The following ADAMTSL1 variants were observed in gnomAD, a reference collection of about 807,000 sequenced individuals.
ADAMTSL1 encodes the protein ADAMTS like 1.
Under a neutral mutation model 201.8 loss-of-function variants are expected in ADAMTSL1, and 126 were observed. The ratio of observed to expected loss-of-function variants is 0.62; its 90% confidence interval spans 0.54 to 0.72. ADAMTSL1 has a LOEUF of 0.72. Ranked by LOEUF, ADAMTSL1 falls within the 30% of genes least tolerant of loss-of-function variation. The probability of loss-of-function intolerance (pLI) is 0.00; values close to 1 mark genes in which losing one functional copy is unlikely to be tolerated. For synonymous variants in ADAMTSL1, 1,121 were observed against 903.4 expected (o/e 1.24, Z -4.32); for missense variants, 2,679 against 2,277.8 (o/e 1.18, Z -3.59).
chr9:18,767,787 T>C (rs1217257738), intron 16 of ADAMTSL1, among the ~76,000 whole-genome samples: 1 of 152,254 alleles, frequency 6.6e-6, no homozygotes, highest in African/African-American at 2.4e-5. Flanking sequence ...TAAAATTTGC[T>C]TCTTCAATAC....
intron 2 of ADAMTSL1, among the ~76,000 whole-genome samples, chr9:18,468,944 C>T (rs1164983935): frequency 2.6e-5 from 4 of 152,194 alleles, no homozygotes; most frequent in Non-Finnish European, 4.4e-5. Context: ...AGACACTTTG[C>T]AGGGAAAGAG....
intron 2 of ADAMTSL1, among the ~76,000 whole-genome samples, chr9:18,374,599 G>A (rs527440510): frequency 1.3e-5 from 2 of 152,232 alleles, no homozygotes; most frequent in Admixed American, 6.5e-5. Context: ...CTCCCAAAAT[G>A]CTAGGATTAC....
intron 2 of ADAMTSL1, among the ~76,000 whole-genome samples, chr9:18,353,998 C>T (rs1836092840): frequency 1.3e-5 from 2 of 150,046 alleles, no homozygotes; most frequent in Admixed American, 6.7e-5. Flanking sequence ...ATTTTCTATA[C>T]ATGTATACAT....
intron 7 of ADAMTSL1, among the ~76,000 whole-genome samples, chr9:18,649,892 T>C (rs1467579652): frequency 6.6e-6 from 1 of 152,138 alleles, no homozygotes. Context: ...TCCAGCTGCG[T>C]GCTGGGAGAA....
At chr9:18,401,815 A>T (rs184854716) in intron 2 of ADAMTSL1, among the ~76,000 whole-genome samples, 39 of 152,284 alleles carry the variant, frequency 2.6e-4, no homozygotes, top group African/African-American at 8.7e-4. Context: ...GCGTGATCTC[A>T]GCTGTGCTTC....
intron 23 of ADAMTSL1, among the ~76,000 whole-genome samples, chr9:18,871,029 A>C (rs1827845972): frequency 2.0e-5 from 3 of 152,190 alleles, no homozygotes; most frequent in Admixed American, 2.0e-4. Context: ...TAAATATTCA[A>C]GATCCAGAAG....
At chr9:18,038,029 A>C (rs1336657063) in intron 1 of ADAMTSL1, among the ~76,000 whole-genome samples, 1 of 152,180 alleles carries the variant, frequency 6.6e-6, no homozygotes, top group African/African-American at 2.4e-5. Flanking sequence ...TGATACGAGA[A>C]ATCAAAGAGC....
chr9:18,199,224 C>A (rs938472055), intron 2 of ADAMTSL1, among the ~76,000 whole-genome samples: 24 of 151,692 alleles, frequency 1.6e-4, no homozygotes, highest in African/African-American at 5.3e-4. Context: ...CTAACCTGCA[C>A]AATGTGCACA....
At chr9:18,099,362 T>A (rs1367246209) in intron 1 of ADAMTSL1, among the ~76,000 whole-genome samples, 207 of 109,948 alleles carry the variant, frequency 1.9e-3, no homozygotes, top group African/African-American at 3.7e-3. Context: ...TATATTTTTT[T>A]TTTTTTTTTT....
At chr9:18,386,904 C>G (rs549820837) in intron 2 of ADAMTSL1, among the ~76,000 whole-genome samples, 1 of 152,024 alleles carries the variant, frequency 6.6e-6, no homozygotes, top group African/African-American at 2.4e-5. Flanking sequence ...CTTTAAAGCT[C>G]TAAATTTCAT....
At chr9:17,921,702 T>A (rs1826308884) in intron 1 of ADAMTSL1, among the ~76,000 whole-genome samples, 1 of 152,166 alleles carries the variant, frequency 6.6e-6, no homozygotes. Context: ...ACGAGATTTG[T>A]GTTCTAGAGG....
intron 20 of ADAMTSL1, among the ~76,000 whole-genome samples, chr9:18,815,629 G>A (rs1181050646): frequency 1.4e-5 from 2 of 147,048 alleles, no homozygotes; most frequent in Non-Finnish European, 3.0e-5. Context: ...GATCACTTGA[G>A]CTTGGGAGGC....
At chr9:18,364,376 C>T (rs796439884) in intron 2 of ADAMTSL1, among the ~76,000 whole-genome samples, 15 of 152,160 alleles carry the variant, frequency 9.9e-5, no homozygotes, top group African/African-American at 2.6e-4. Context: ...AAAACTCAGG[C>T]GACAATTTTG....
intron 2 of ADAMTSL1, among the ~76,000 whole-genome samples, chr9:18,410,298 A>G (rs1360186398): frequency 6.6e-6 from 1 of 151,852 alleles, no homozygotes; most frequent in Admixed American, 6.6e-5. Context: ...TACTGTGCAG[A>G]TCATCCTATC....
At chr9:18,538,375 CA>C (rs57355515) in intron 3 of ADAMTSL1, among the ~76,000 whole-genome samples, 11,162 of 152,112 alleles carry the variant, frequency 0.073, 1,236 homozygotes, top group African/African-American at 0.24. Context: ...ATGATCATGG[CA>C]AGTTTATAAT....
At chr9:17,992,198 G>T (rs934729781) in intron 1 of ADAMTSL1, among the ~76,000 whole-genome samples, 21 of 152,210 alleles carry the variant, frequency 1.4e-4, no homozygotes, top group South Asian at 4.1e-4. Context: ...TATATTCCAG[G>T]TTCATGTGGA....
At chr9:18,217,853 G>GT (rs1157081371) in intron 2 of ADAMTSL1, among the ~76,000 whole-genome samples, 219 of 147,010 alleles carry the variant, frequency 1.5e-3, no homozygotes, top group Middle Eastern at 3.6e-3. Context: ...GAGGAAAGTT[G>GT]TTTTTTTTTT....
chr9:18,049,017 A>G (rs1199428887), intron 1 of ADAMTSL1, among the ~76,000 whole-genome samples: 1 of 152,080 alleles, frequency 6.6e-6, no homozygotes, highest in Non-Finnish European at 1.5e-5. Context: ...AGTTGCTGTC[A>G]TTCATGGTGT....
chr9:17,923,214 C>T (rs1826378591), intron 1 of ADAMTSL1, among the ~76,000 whole-genome samples: 1 of 150,990 alleles, frequency 6.6e-6, no homozygotes, highest in South Asian at 2.1e-4. Context: ...GGCATTGAAT[C>T]TGTAAATTAC....
Sources: gnomAD v4.1 joint callset for allele counts (sites outside exome capture counted in the v4.1 genomes callset) on GRCh38, gnomAD v4.1.1 for gene constraint, MANE v1.5 for transcripts, NCBI Gene and HGNC (gene_info 2026-07-23, HGNC 2026-07-21) for gene names.